Variants in RNF168 observed in about 807,000 individuals in gnomAD.
RNF168 encodes E3 ubiquitin-protein ligase RNF168.
A neutral mutation model predicts 34.9 loss-of-function variants in RNF168; 34 were observed. The ratio of observed to expected loss-of-function variants is 0.97; its 90% CI spans 0.74 to 1.30. The LOEUF is 1.30. Ranked by LOEUF, RNF168 falls within the 50% of genes most tolerant of loss-of-function variation. RNF168 has a pLI of 0.00. For synonymous variants in RNF168, 264 were observed against 254.7 expected, an observed-to-expected ratio of 1.04 and a Z score of -0.35; for missense variants, 725 against 682.5, an observed-to-expected ratio of 1.06 and a Z score of -0.69.
chr3:196,479,267 C>T (rs536608574), intron 4 of RNF168, among the ~76,000 whole-genome samples: 1 of 151,950 alleles, frequency 6.6e-6, no homozygotes, highest in African/African-American at 2.4e-5. Context: ...CCCGCCTCGG[C>T]CTCCCAAAGT....
At chr3:196,500,553 TAA>T (rs1475062128) in intron 1 of RNF168, among the ~76,000 whole-genome samples, 1 of 151,988 alleles carries the variant, frequency 6.6e-6, no homozygotes, top group Non-Finnish European at 1.5e-5. Context: ...TTGGGAGGAT[TAA>T]AAAGTTCTGG....
chr3:196,472,520 AG>A lies in RNF168; in HGVS notation c.1014del (p.Tyr339ThrfsTer23), dbSNP rs776931567. 3 of 1,614,176 alleles carry A rather than the reference AG, an allele frequency of 1.9e-6. No individual in the cohort carries two copies. The South Asian group carries it at 3.3e-5, about 18-fold the overall frequency. On this transcript the variant is annotated frameshift_variant, in exon 6 of 6. Transcript: ENST00000318037. LOFTEE classifies it low-confidence loss of function (END_TRUNC). ...GGCATAACTGCAGTTTCTTTCGAGT[AG>A]GGAACTCTGGTTTTAGGTCGCTCGT... ...LSHERPKTRV[P>X]YSKETAVMPC...
At chr3:196,475,098 A>T (rs1361129370) in intron 5 of RNF168, 133 bp downstream of exon 5, 1 of 645,606 alleles carries the variant, frequency 1.5e-6, no homozygotes, top group Non-Finnish European at 2.8e-6. Context: ...TCTCTAGGTG[A>T]GCCTAAGAGG....
In RNF168 at chr3:196,487,415, T is replaced by C. The variant is rs375146769; in HGVS notation, c.542A>G (p.Lys181Arg). The C allele has an allele frequency of 5.0e-6, 8 of 1,614,002 alleles. No homozygotes were observed. The African/African-American group carries it at 9.3e-5, about 19-fold the overall frequency. The change falls in exon 3 of 6, where the codon AAG (lysine) becomes AGG (arginine). Residue 181 changes from lysine (K) to arginine (R), a missense_variant. Coordinates refer to ENST00000318037, the MANE Select transcript of RNF168 (RefSeq NM_152617.4). ...QLKSDEELAR[K>R]LSIDINNFCE... ...AAAACTTACAATATCAATGCTTAGC[T>C]TTCTTGCCAGTTCCTCATCACTTTT...
chr3:196,471,926 G>A lies in RNF168; in HGVS notation c.1609C>T (p.Pro537Ser). ...TTACAGTGATCTCTAGTAGAATTTGGCATCTTTCTTCTATTAACTGACTGC... is the reference window on the plus strand; with the variant it reads ...TTACAGTGATCTCTAGTAGAATTTGACATCTTTCTTCTATTAACTGACTGC... ...LKQSVNRRKMPNSTRDHCKVS... is the reference protein window; with the variant it reads ...LKQSVNRRKMSNSTRDHCKVS... The change falls in exon 6 of 6, where the codon CCA becomes TCA. Residue 537 changes from proline to serine, a missense_variant. Pro to Ser is a moderately conservative substitution (Grantham distance 74). Coordinates refer to ENST00000318037, the MANE Select transcript of RNF168 (RefSeq NM_152617.4). 6.2e-7 allele frequency: 1 copy of A among 1,613,898 alleles called. No homozygotes were observed. Among genetic ancestry groups the A allele is most frequent in the Non-Finnish European group, 8.5e-7 (1 of 1,179,806 alleles).
At position 196,472,742 on chromosome 3, in the gene RNF168, T is replaced by G. The variant is rs1732043036; in HGVS notation, c.793A>C (p.Thr265Pro). ...TCTTCTATTTCTGTGTCTTGCCCTG[T>G]TGGGCTTTTCCTATCACTACTGTCA... ...DIDSSDRKSPTGQDTEIEDMP... is the reference protein window; with the variant it reads ...DIDSSDRKSPPGQDTEIEDMP... The change falls in exon 6 of 6, where the codon ACA becomes CCA. Residue 265 changes from threonine (T) to proline (P), a missense_variant. Transcript: ENST00000318037. The G allele has an allele frequency of 6.2e-7, 1 of 1,610,690 alleles. No homozygotes were observed. The highest frequency in any genetic ancestry group is 1.3e-5 in the African/African-American group (1 of 74,886).
At chr3:196,472,828 T>A in intron 5 of RNF168, 56 bp from the exon 6 acceptor site, 1 of 1,047,564 alleles carries the variant, frequency 9.5e-7, no homozygotes, top group African/African-American at 1.6e-5. Context: ...AATCATAAGA[T>A]GTAAGTCTAA....
intron 1 of RNF168, among the ~76,000 whole-genome samples, chr3:196,493,423 T>C (rs561734598): frequency 5.9e-4 from 89 of 152,032 alleles, no homozygotes; most frequent in East Asian, 2.5e-3. Context: ...GGCGGGATCA[T>C]AGCTCACTGC....
In RNF168 at chr3:196,471,618, ACGACAGGGGACCCCTGCTTACCGCTGAG is replaced by A. The variant is rs1732008944; in HGVS notation, c.*173_*200del. 1.7e-6 allele frequency: 1 copy of A among 578,528 alleles called. No homozygotes were observed. Among genetic ancestry groups the A allele is most frequent in the Non-Finnish European group, 3.1e-6 (1 of 323,550 alleles). 35.8% of individuals were successfully genotyped at this position (578,528 alleles called of 1,614,324 possible). The stretch of plus-strand genomic sequence containing the variant: ...TACACATCTGTTATTAAGAAGGGAA[ACGACAGGGGACCCCTGCTTACCGCTGAG>A]CTGTGCAGAAGCTCATGTGTCTATG... On this transcript the variant is annotated 3_prime_UTR_variant, in exon 6 of 6. Coordinates refer to ENST00000318037, the MANE Select transcript of RNF168 (RefSeq NM_152617.4).
intron 1 of RNF168, among the ~76,000 whole-genome samples, chr3:196,501,904 T>TAAA (rs1189607430): frequency 6.6e-6 from 1 of 151,980 alleles, no homozygotes; most frequent in Non-Finnish European, 1.5e-5. Context: ...CGCACACTTT[T>TAAA]AGTAGGTGAA....
Position 196,502,933 on chromosome 3 carries a change from G to T in RNF168, c.241C>A (p.Gln81Lys). ...TTGCACTCCCTGGGATAGTGTTTTTGAATTATCGTCCACAGTTCCACGTTG... is the reference window on the plus strand; with the variant it reads ...TTGCACTCCCTGGGATAGTGTTTTTTAATTATCGTCCACAGTTCCACGTTG... ...LVNVELWTII[Q>K]KHYPRECKLR... is the part of the protein sequence containing the mutation. The change falls in exon 1 of 6, where the codon CAA becomes AAA. Residue 81 changes from glutamine (Q) to lysine (K), a missense_variant. Physicochemically the swap from Gln to Lys is moderately conservative, Grantham distance 53. Coordinates refer to ENST00000318037, the MANE Select transcript of RNF168 (RefSeq NM_152617.4). 1.2e-6 allele frequency: 2 copies of T among 1,614,068 alleles called. No individual in the cohort carries two copies. The highest frequency in any genetic ancestry group is 1.7e-6 in the Non-Finnish European group (2 of 1,179,940).
chr3:196,477,449 A>T (rs1241896979), intron 4 of RNF168, among the ~76,000 whole-genome samples: 1 of 152,256 alleles, frequency 6.6e-6, no homozygotes, highest in African/African-American at 2.4e-5. Context: ...AATATTCCTT[A>T]TGGGCAAACA....
At chr3:196,474,205 G>T (rs1285902154) in intron 5 of RNF168, among the ~76,000 whole-genome samples, 1 of 144,392 alleles carries the variant, frequency 6.9e-6, no homozygotes, top group African/African-American at 2.6e-5. Context: ...TCAGCTCACT[G>T]CAACCTCCGC....
intron 4 of RNF168, among the ~76,000 whole-genome samples, chr3:196,476,016 C>T (rs1005003834): frequency 6.6e-6 from 1 of 151,822 alleles, no homozygotes; most frequent in Non-Finnish European, 1.5e-5. Context: ...CCCGCCACCA[C>T]GCCCGGCTAA....
At chr3:196,486,212 T>C (rs1732417051) in intron 3 of RNF168, among the ~76,000 whole-genome samples, 1 of 152,226 alleles carries the variant, frequency 6.6e-6, no homozygotes, top group Admixed American at 6.5e-5. Flanking sequence ...AATGGAATAT[T>C]ATTCCACTCT....
chr3:196,487,641 A>G (rs1387596333), intron 2 of RNF168, 63 bp from the exon 3 acceptor site: 20 of 1,432,342 alleles, frequency 1.4e-5, no homozygotes, highest in Non-Finnish European at 1.8e-5. Flanking sequence ...GCAATATTTC[A>G]TAACAAGAAT....
chr3:196,490,558 A>G (rs1370428062), intron 1 of RNF168, among the ~76,000 whole-genome samples: 1 of 152,118 alleles, frequency 6.6e-6, no homozygotes, highest in East Asian at 1.9e-4. Context: ...TGCAATCTAT[A>G]CATGTAACAA....
At chr3:196,495,954 T>A (rs919031916) in intron 1 of RNF168, among the ~76,000 whole-genome samples, 1 of 152,214 alleles carries the variant, frequency 6.6e-6, no homozygotes, top group Non-Finnish European at 1.5e-5. Flanking sequence ...ATACTTCATT[T>A]TTTAAAGCTA....
intron 1 of RNF168, among the ~76,000 whole-genome samples, chr3:196,497,675 A>T (rs904044549): frequency 5.3e-5 from 8 of 152,318 alleles, no homozygotes; most frequent in Non-Finnish European, 1.0e-4. Flanking sequence ...TCCAAAAAAA[A>T]AAGGTAAAAC....
Sources: allele counts gnomAD v4.1 joint callset (sites outside exome capture counted in the v4.1 genomes callset), GRCh38; gene constraint gnomAD v4.1.1; transcripts MANE v1.5; gene names NCBI Gene and HGNC (gene_info 2026-07-23, HGNC 2026-07-21).